Variants in MCPH1 observed in about 807,000 individuals in gnomAD.
MCPH1 encodes microcephalin.
In MCPH1, 104 loss-of-function variants were observed where a neutral mutation model predicts 84.5. The ratio of observed to expected loss-of-function variants is 1.23; its 90% CI spans 1.05 to 1.45. The LOEUF (loss-of-function observed/expected upper bound fraction) is 1.45. Among genes scored for constraint, MCPH1 ranks in the 40% most tolerant of loss-of-function variants. The pLI, the probability that MCPH1 is intolerant of heterozygous loss-of-function variation, is 0.00. For missense variants in MCPH1, 1,498 were observed against 1,005.7 expected (o/e 1.49, Z -6.62); for synonymous variants, 514 against 366.8 (o/e 1.40, Z -4.58).
intron 12 of MCPH1, among the ~76,000 whole-genome samples, chr8:6,576,404 C>T (rs1045211392): frequency 6.6e-6 from 1 of 152,130 alleles, no homozygotes; most frequent in African/African-American, 2.4e-5. Context: ...GATAATGGCT[C>T]ATTATCCTCG....
At chr8:6,414,917 G>A (rs1275354668) in intron 3 of MCPH1, 34 bp downstream of exon 3, 1 of 1,606,242 alleles carries the variant, frequency 6.2e-7, no homozygotes, top group Non-Finnish European at 8.5e-7. Context: ...TTTTCCTTAA[G>A]TATCTAGTAT....
At chr8:6,628,098 G>A (rs1796878382) in intron 13 of MCPH1, among the ~76,000 whole-genome samples, 1 of 152,074 alleles carries the variant, frequency 6.6e-6, no homozygotes, top group Admixed American at 6.5e-5. Flanking sequence ...TTCCTAACCT[G>A]TTGGGTCCCC....
intron 13 of MCPH1, among the ~76,000 whole-genome samples, chr8:6,622,611 T>C (rs955644632): frequency 6.6e-6 from 1 of 152,162 alleles, no homozygotes. Flanking sequence ...ACAACACGCA[T>C]TGTCTCTCAG....
intron 12 of MCPH1, chr8:6,500,182 A>G (rs1239098457): frequency 6.3e-6 from 3 of 479,176 alleles, no homozygotes; most frequent in Non-Finnish European, 1.1e-5. Context: ...CTCAGAACTG[A>G]GAAAAACAAA....
chr8:6,414,332 A>T (rs1027366669), intron 2 of MCPH1, among the ~76,000 whole-genome samples: 1 of 152,200 alleles, frequency 6.6e-6, no homozygotes, highest in South Asian at 2.1e-4. Flanking sequence ...TTAAGATATG[A>T]GGTATTTTTA....
At chr8:6,427,380 C>T (rs779721458) in intron 3 of MCPH1, among the ~76,000 whole-genome samples, 5 of 152,010 alleles carry the variant, frequency 3.3e-5, no homozygotes, top group African/African-American at 9.7e-5. Context: ...GATACTATAA[C>T]GTTTTTTTAA....
intron 11 of MCPH1, among the ~76,000 whole-genome samples, chr8:6,493,889 C>G (rs2440409): frequency 0.94 from 143,299 of 152,168 alleles, 68,112 homozygotes; most frequent in East Asian, 1. Context: ...GAAACTGTGG[C>G]TTGAACACTT....
intron 12 of MCPH1, among the ~76,000 whole-genome samples, chr8:6,599,937 C>A (rs1357989804): frequency 6.6e-6 from 1 of 152,148 alleles, no homozygotes; most frequent in African/African-American, 2.4e-5. Context: ...CAAAAGTAAC[C>A]ATTACTCTGG....
chr8:6,536,035 C>T (rs1198089458), intron 12 of MCPH1, among the ~76,000 whole-genome samples: 3 of 151,618 alleles, frequency 2.0e-5, no homozygotes, highest in Non-Finnish European at 4.4e-5. Flanking sequence ...GCAGCTTGGG[C>T]GACAGAGTGA....
rs73518723 is a variant in MCPH1 at position 6,464,379 on chromosome 8, G to A, written c.1935+9127G>A. Among the ~76,000 whole-genome samples the A allele has an allele frequency of 8.7e-3, 1,318 of 152,298 alleles. 26 individuals carry two copies. The highest frequency in any genetic ancestry group is 0.03 in the African/African-American group (1,229 of 41,556). ...TAACAGTTGCTTTCAGCCCCCATTAGCACGTTGTTTTTTTCTTGTTATGTA... is the reference window on the plus strand; with the variant it reads ...TAACAGTTGCTTTCAGCCCCCATTAACACGTTGTTTTTTTCTTGTTATGTA... On this transcript the variant is annotated intron_variant, in intron 9 of 13. Coordinates refer to ENST00000344683, the MANE Select transcript of MCPH1 (RefSeq NM_024596.5).
chr8:6,514,884 G>C, intron 12 of MCPH1: 1 of 884,194 alleles, frequency 1.1e-6, no homozygotes, highest in Non-Finnish European at 1.8e-6. Context: ...CAGCCGAGAG[G>C]GTTCTCTGGG....
chr8:6,512,943 G>A (rs1484426057), intron 12 of MCPH1, among the ~76,000 whole-genome samples: 1 of 152,204 alleles, frequency 6.6e-6, no homozygotes. Context: ...TGAGATTGAA[G>A]ACAATTGAAT....
intron 12 of MCPH1, chr8:6,521,104 A>T: frequency 8.2e-7 from 1 of 1,221,436 alleles, no homozygotes. Context: ...GAAAGGTGAG[A>T]ATTTTTTAGT....
chr8:6,428,973 A>G (rs1368149647), intron 3 of MCPH1, among the ~76,000 whole-genome samples: 1 of 152,140 alleles, frequency 6.6e-6, no homozygotes, highest in East Asian at 1.9e-4. Flanking sequence ...TTATCTAGTG[A>G]CTTTCTGATA....
At chr8:6,635,378 G>C (rs1797472331) in intron 13 of MCPH1, 2 of 152,154 alleles carry the variant, frequency 1.3e-5, no homozygotes, top group Admixed American at 6.5e-5. Flanking sequence ...ATTCACAACA[G>C]AACAAGCAAT....
Position 6,521,250 on chromosome 8 carries a change from C to G in MCPH1, c.2214+21321C>G, listed in dbSNP as rs141459733. ...AGATCATGTTGCTGCTTCTGAAGAA[C>G]TGAATTATTCACCGTGGCAGTCACT... On this transcript the variant is annotated intron_variant, in intron 12 of 13. Transcript: ENST00000344683. 17 of 1,613,810 alleles carry G rather than the reference C, an allele frequency of 1.1e-5. No individual in the cohort carries two copies. Among genetic ancestry groups the G allele is most frequent in the Non-Finnish European group, 1.4e-5 (17 of 1,179,950 alleles).
chr8:6,564,472 GT>G (rs1174583406), intron 12 of MCPH1, among the ~76,000 whole-genome samples: 1 of 152,106 alleles, frequency 6.6e-6, no homozygotes, highest in Non-Finnish European at 1.5e-5. Flanking sequence ...GGCTCTGTAA[GT>G]TCTGCAAGTC....
chr8:6,427,535 G>T (rs1207675453), intron 3 of MCPH1, among the ~76,000 whole-genome samples: 1 of 151,994 alleles, frequency 6.6e-6, no homozygotes, highest in Non-Finnish European at 1.5e-5. Flanking sequence ...CTATGCCTGG[G>T]TAATTTATTT....
chr8:6,638,139 G>C (rs1034690460), intron 13 of MCPH1, among the ~76,000 whole-genome samples: 4 of 152,042 alleles, frequency 2.6e-5, no homozygotes, highest in African/African-American at 9.7e-5. Flanking sequence ...GCAGCTCTGG[G>C]CTCATTATGA....
Sources: allele counts gnomAD v4.1 joint callset (sites outside exome capture counted in the v4.1 genomes callset), GRCh38; gene constraint gnomAD v4.1.1; transcripts MANE v1.5; gene names NCBI Gene and HGNC (gene_info 2026-07-23, HGNC 2026-07-21).